ZNF567: variants seen among roughly 807,000 people sequenced by gnomAD.
The protein encoded by ZNF567 is zinc finger protein 567.
In ZNF567, 36 loss-of-function variants were observed where a neutral mutation model predicts 53.9. The observed-to-expected ratio is 0.67, with a 90% CI of 0.51 to 0.88. The LOEUF (loss-of-function observed/expected upper bound fraction) is 0.88. ZNF567 is among the 40% of genes least tolerant of loss of function. The pLI, the probability that ZNF567 is intolerant of heterozygous loss-of-function variation, is 0.00. For missense variants in ZNF567, 619 were observed against 764.7 expected, an observed-to-expected ratio of 0.81 and a Z score of 2.25; for synonymous variants, 224 against 260.4, an observed-to-expected ratio of 0.86 and a Z score of 1.35.
At chr19:36,696,508 C>G (rs1385580192) in intron 3 of ZNF567, among the ~76,000 whole-genome samples, 1 of 152,180 alleles carries the variant, frequency 6.6e-6, no homozygotes, top group Admixed American at 6.5e-5. Flanking sequence ...TCTGCCCATC[C>G]TATCCTTTTG....
At chr19:36,713,150 GATAAAA>G (rs1281689106) in intron 5 of ZNF567, among the ~76,000 whole-genome samples, 1 of 151,660 alleles carries the variant, frequency 6.6e-6, no homozygotes, top group African/African-American at 2.4e-5. Flanking sequence ...ACTACAAAAA[GATAAAA>G]ATAAAAAATT....
At chr19:36,695,230 T>TA (rs549687570) in intron 3 of ZNF567, among the ~76,000 whole-genome samples, 390 of 137,378 alleles carry the variant, frequency 2.8e-3, no homozygotes, top group East Asian at 0.017. Context: ...CACCAGAAAT[T>TA]AAAAAAAAAA....
the ZNF567 span, among the ~76,000 whole-genome samples, chr19:36,671,800 AC>A: frequency 6.6e-6 from 1 of 152,214 alleles, no homozygotes; most frequent in African/African-American, 2.4e-5. Context: ...AACCTGCACT[AC>A]CCATCAGGAA....
chr19:36,716,127 T>G (rs1158654088), intron 5 of ZNF567, among the ~76,000 whole-genome samples: 1 of 152,212 alleles, frequency 6.6e-6, no homozygotes, highest in Non-Finnish European at 1.5e-5. Flanking sequence ...TTTTATCATT[T>G]ATTCTATGAA....
At chr19:36,706,530 C>T (rs2039496571) in intron 3 of ZNF567, among the ~76,000 whole-genome samples, 1 of 151,322 alleles carries the variant, frequency 6.6e-6, no homozygotes, top group South Asian at 2.1e-4. Flanking sequence ...TTGGGTTCAA[C>T]CAATCTGCCT....
intron 3 of ZNF567, chr19:36,711,953 C>T (rs748731475): frequency 2.0e-5 from 3 of 152,886 alleles, no homozygotes; most frequent in Non-Finnish European, 4.4e-5. Context: ...AATCATAAAA[C>T]AGGGAAAATT....
chr19:36,686,490 A>AG (rs2038275301), upstream of ZNF567: 2 of 151,210 alleles, frequency 1.3e-5, no homozygotes, highest in African/African-American at 4.9e-5. Flanking sequence ...GGGAAAGGCC[A>AG]GGGTCACTGA....
intron 1 of ZNF567, among the ~76,000 whole-genome samples, chr19:36,687,877 G>T (rs1047992675): frequency 1.3e-5 from 2 of 152,210 alleles, no homozygotes; most frequent in Non-Finnish European, 2.9e-5. Flanking sequence ...CCGAGGCGGG[G>T]GGTGAGCTCC....
rs763568508 is a variant in ZNF567, at chr19:36,719,575, A to G, written c.851A>G (p.His284Arg). ...TCAGAAGAAAAACCCTATCAATGTC[A>G]TCAATGTGGAAATGCATTTAGAAGG... Reference protein sequence around the residue: ...IHSEEKPYQCHQCGNAFRRKS... With the variant: ...IHSEEKPYQCRQCGNAFRRKS... Residue 284 changes from histidine (H) to arginine (R), a missense_variant, in exon 6 of 6, where the codon CAT becomes CGT. Transcript: ENST00000682579. The G allele has an allele frequency of 3.1e-6, 5 of 1,614,168 alleles. No homozygotes were observed. Among genetic ancestry groups the G allele is most frequent in the East Asian group, 2.2e-5 (1 of 44,872 alleles).
the ZNF567 span, among the ~76,000 whole-genome samples, chr19:36,671,489 A>G: frequency 1.3e-5 from 2 of 152,212 alleles, no homozygotes; most frequent in Non-Finnish European, 2.9e-5. Context: ...GTTAGTTTAC[A>G]GCGGGGCCCA....
At chr19:36,707,045 A>G (rs1006134128) in intron 3 of ZNF567, among the ~76,000 whole-genome samples, 5 of 152,018 alleles carry the variant, frequency 3.3e-5, no homozygotes, top group East Asian at 3.9e-4. Flanking sequence ...TTTTCCTCCA[A>G]TCTGATACTC....
At chr19:36,667,658 T>C in the ZNF567 span, among the ~76,000 whole-genome samples, 1 of 146,760 alleles carries the variant, frequency 6.8e-6, no homozygotes, top group Non-Finnish European at 1.5e-5. Context: ...TTTTTTTTCT[T>C]TTTTTTTTTT....
At chr19:36,680,891 G>A in the ZNF567 span, among the ~76,000 whole-genome samples, 1 of 151,986 alleles carries the variant, frequency 6.6e-6, no homozygotes, top group Non-Finnish European at 1.5e-5. Context: ...ACTGGATTTA[G>A]GACCCAACCC....
Position 36,712,478 on chromosome 19 carries a change from G to A in ZNF567, c.102G>A (p.Val34=). 6.2e-7 allele frequency: 1 copy of A among 1,614,152 alleles called. No homozygotes were observed. The highest frequency in any genetic ancestry group is 8.5e-7 in the Non-Finnish European group (1 of 1,179,992). The change falls in exon 4 of 6, where the codon GTG becomes GTA. Residue 34 remains valine (V), a synonymous_variant. Transcript: ENST00000682579. ...CTCAGAAGACTCTATATATGGATGTGATGTTGGAAAACTATTGCCACCTCA... is the reference window on the plus strand; with the variant it reads ...CTCAGAAGACTCTATATATGGATGTAATGTTGGAAAACTATTGCCACCTCA... ...DHAQKTLYMD[V]MLENYCHLIS... is the part of the protein sequence containing the mutation.
rs914174400 is a variant in ZNF567 at position 36,712,297 on chromosome 19, C to T, written c.10-89C>T. The T allele has an allele frequency of 5.7e-6, 8 of 1,391,480 alleles. No homozygotes were observed. The Admixed American group carries it at 1.2e-4, about 20-fold the overall frequency. The allele number at this position is 1,391,480 out of a possible 1,614,324, so 86.2% of individuals were successfully genotyped here. A position where few individuals can be genotyped will look rare whatever the true frequency, so the allele number is the denominator to read the frequency against. The stretch of plus-strand genomic sequence containing the variant: ...TCATGACCTCAAGTGATCCACCTAC[C>T]TCAGCCTCCCAAAGTGCTGGGATTA... On this transcript the variant is annotated intron_variant, in intron 3 of 5. Coordinates refer to ENST00000682579, the MANE Select transcript of ZNF567 (RefSeq NM_001322917.1).
downstream of ZNF567, chr19:36,723,229 A>G (rs2040319072): frequency 1.0e-5 from 7 of 702,938 alleles, no homozygotes; most frequent in East Asian, 1.9e-4. Flanking sequence ...CCTAGCGTCA[A>G]CCCACCAAAG....
intron 3 of ZNF567, among the ~76,000 whole-genome samples, chr19:36,708,193 C>T (rs577802812): frequency 1.3e-5 from 2 of 152,318 alleles, no homozygotes; most frequent in Admixed American, 6.5e-5. Context: ...CCCAGCCCAT[C>T]TTGTTTGTTA....
chr19:36,676,995 A>G, the ZNF567 span, among the ~76,000 whole-genome samples: 6 of 151,592 alleles, frequency 4.0e-5, no homozygotes, highest in Non-Finnish European at 8.8e-5. Flanking sequence ...GTCTCTACTA[A>G]AAATACAAAA....
intron 1 of ZNF567, among the ~76,000 whole-genome samples, chr19:36,688,610 A>G (rs975050568): frequency 8.6e-5 from 13 of 151,662 alleles, no homozygotes; most frequent in Non-Finnish European, 1.8e-4. Flanking sequence ...GATCGAGAAC[A>G]TCCTGGTTAA....
Sources: allele counts gnomAD v4.1 joint callset (sites outside exome capture counted in the v4.1 genomes callset), GRCh38; gene constraint gnomAD v4.1.1; transcripts MANE v1.5; gene names NCBI Gene and HGNC (gene_info 2026-07-23, HGNC 2026-07-21).